The following PLCB1 variants were observed in gnomAD, a reference collection of about 807,000 sequenced individuals.
PLCB1 encodes 1-phosphatidylinositol 4,5-bisphosphate phosphodiesterase beta-1.
A neutral mutation model predicts 161.8 loss-of-function variants in PLCB1; 46 were observed. That is an observed-to-expected ratio of 0.28 (90% CI 0.22 to 0.36). The LOEUF is 0.36. Ranked by LOEUF, PLCB1 falls within the 10% of genes least tolerant of loss-of-function variation. The pLI, the probability that PLCB1 is intolerant of heterozygous loss-of-function variation, is 1.00. For missense variants in PLCB1, 1,016 were observed against 1,472.5 expected, an observed-to-expected ratio of 0.69 and a Z score of 5.07; for synonymous variants, 517 against 503.7, an observed-to-expected ratio of 1.03 and a Z score of -0.35.
chr20:8,732,907 ATAT>A (rs1441453451), intron 18 of PLCB1, among the ~76,000 whole-genome samples: 7 of 147,664 alleles, frequency 4.7e-5, no homozygotes, highest in East Asian at 2.0e-4. Context: ...TTATACAAAT[ATAT>A]TATTCTAATA....
At chr20:8,461,724 T>G (rs1568685231) in intron 3 of PLCB1, among the ~76,000 whole-genome samples, 1 of 152,202 alleles carries the variant, frequency 6.6e-6, no homozygotes, top group East Asian at 1.9e-4. Context: ...AGAAAGTAGT[T>G]TCGACGGTCA....
intron 3 of PLCB1, among the ~76,000 whole-genome samples, chr20:8,607,567 TTCTTC>T (rs1213559829): frequency 6.6e-6 from 1 of 152,158 alleles, no homozygotes; most frequent in Non-Finnish European, 1.5e-5. Context: ...TCCTGGAACT[TTCTTC>T]TCTTCTCCAG....
At chr20:8,668,785 C>A (rs1261498532) in intron 9 of PLCB1, among the ~76,000 whole-genome samples, 2 of 152,156 alleles carry the variant, frequency 1.3e-5, no homozygotes, top group Non-Finnish European at 2.9e-5. Context: ...AGCTGTATCT[C>A]CTGGAGCACC....
intron 4 of PLCB1, among the ~76,000 whole-genome samples, chr20:8,633,883 G>A (rs1252742283): frequency 6.6e-6 from 1 of 151,998 alleles, no homozygotes; most frequent in Non-Finnish European, 1.5e-5. Context: ...ATACAATAAA[G>A]TCTTTTTGGT....
chr20:8,378,539 T>C (rs1211809902), intron 3 of PLCB1, among the ~76,000 whole-genome samples: 3 of 152,212 alleles, frequency 2.0e-5, no homozygotes, highest in Admixed American at 6.5e-5. Context: ...CTAATGATCA[T>C]CTGAGTCTTC....
intron 3 of PLCB1, among the ~76,000 whole-genome samples, chr20:8,387,199 C>T (rs115144691): frequency 9.4e-4 from 143 of 152,282 alleles, no homozygotes; most frequent in African/African-American, 3.1e-3. Flanking sequence ...TAGCTTTTGG[C>T]CTATCTTGGC....
intron 31 of PLCB1, among the ~76,000 whole-genome samples, chr20:8,840,119 G>C (rs891486229): frequency 6.6e-6 from 1 of 151,344 alleles, no homozygotes; most frequent in African/African-American, 2.4e-5. Flanking sequence ...TTTCCTCAAT[G>C]TTCTGTTCAT....
chr20:8,593,629 T>A lies in PLCB1; in HGVS notation c.247-34665T>A, dbSNP rs564991712. On this transcript the variant is annotated intron_variant, in intron 3 of 31. Coordinates refer to ENST00000338037, the MANE Select transcript of PLCB1 (RefSeq NM_015192.4). ...ATAAACATTACTGTTATTGGCATTT[T>A]ACTTTTGTTTTTATTAGATTTTTTA... is the stretch of plus-strand genomic sequence containing the variant. Among the ~76,000 whole-genome samples the A allele has an allele frequency of 2.6e-5, 4 of 152,346 alleles. No homozygotes were observed. The East Asian group carries it at 7.7e-4, about 29-fold the overall frequency.
rs147273389 is a variant in PLCB1, at chr20:8,211,219, G to T, written c.177+60848G>T. Among the ~76,000 whole-genome samples the T allele has an allele frequency of 2.6e-4, 39 of 152,144 alleles. 1 individual carries two copies. The highest frequency in any genetic ancestry group is 7.2e-4 in the Admixed American group (11 of 15,258). Reference sequence around the variant, plus strand: ...TTAGCAAGATTCTGGTTGGATGAGAGACTTGGCTTTATTTTTTAAGGGATG... The same window carrying T: ...TTAGCAAGATTCTGGTTGGATGAGATACTTGGCTTTATTTTTTAAGGGATG... On this transcript the variant is annotated intron_variant, in intron 2 of 31. Coordinates refer to ENST00000338037, the MANE Select transcript of PLCB1 (RefSeq NM_015192.4).
chr20:8,275,027 G>A (rs1301358323), intron 2 of PLCB1, among the ~76,000 whole-genome samples: 2 of 152,080 alleles, frequency 1.3e-5, no homozygotes, highest in African/African-American at 2.4e-5. Flanking sequence ...GTCTTTTAAA[G>A]TATTGGTGAC....
rs1214364585 is a variant in PLCB1 at position 8,323,453 on chromosome 20, C to T, written c.178-47929C>T. Among the ~76,000 whole-genome samples the T allele has an allele frequency of 2.0e-5, 3 of 152,110 alleles. No homozygotes were observed. The East Asian group carries it at 5.8e-4, about 29-fold the overall frequency. ...GCTAGAGCATCTCAAAAGCTTCCTT[C>T]CCCACTCACATATCTGTTGTCTTGT... On this transcript the variant is annotated intron_variant, in intron 2 of 31. Transcript: ENST00000338037.
intron 3 of PLCB1, among the ~76,000 whole-genome samples, chr20:8,580,740 A>G (rs1269165955): frequency 1.3e-5 from 2 of 152,242 alleles, no homozygotes; most frequent in African/African-American, 4.8e-5. Context: ...AGCACAAATT[A>G]TATGAAAACA....
intron 27 of PLCB1, among the ~76,000 whole-genome samples, chr20:8,785,035 T>A (rs17376808): frequency 0.23 from 35,685 of 152,066 alleles, 4,963 homozygotes; most frequent in Non-Finnish European, 0.32. Flanking sequence ...GACATCCCTT[T>A]GTGGGAGCAA....
intron 2 of PLCB1, among the ~76,000 whole-genome samples, chr20:8,239,646 A>G (rs529245632): frequency 1.4e-4 from 21 of 152,068 alleles, no homozygotes; most frequent in Non-Finnish European, 1.6e-4. Flanking sequence ...AAATCTTGAG[A>G]AAAAGAGTAT....
At chr20:8,420,200 C>A (rs1315364664) in intron 3 of PLCB1, among the ~76,000 whole-genome samples, 1 of 152,094 alleles carries the variant, frequency 6.6e-6, no homozygotes, top group Non-Finnish European at 1.5e-5. Context: ...CCAAAATGAT[C>A]TAGATGAGAC....
chr20:8,502,518 TTAAA>T (rs1983466662), intron 3 of PLCB1, among the ~76,000 whole-genome samples: 1 of 152,198 alleles, frequency 6.6e-6, no homozygotes, highest in East Asian at 1.9e-4. Flanking sequence ...TTGCATTTAA[TTAAA>T]TAGTTTTTTC....
chr20:8,811,891 A>G (rs1010490622), intron 31 of PLCB1, among the ~76,000 whole-genome samples: 1 of 152,180 alleles, frequency 6.6e-6, no homozygotes, highest in Admixed American at 6.5e-5. Flanking sequence ...ATATTTCCTT[A>G]CCCATTAAGG....
At chr20:8,555,579 T>G (rs766930859) in intron 3 of PLCB1, among the ~76,000 whole-genome samples, 1 of 152,126 alleles carries the variant, frequency 6.6e-6, no homozygotes, top group African/African-American at 2.4e-5. Flanking sequence ...GTCATCTATC[T>G]CCATGTATTT....
At chr20:8,724,464 C>A (rs572710146) in intron 15 of PLCB1, among the ~76,000 whole-genome samples, 192 bp from the exon 16 acceptor site, 28 of 152,210 alleles carry the variant, frequency 1.8e-4, no homozygotes, top group Non-Finnish European at 3.4e-4. Context: ...CTCCCACCTC[C>A]CTTCCTCCCT....
Sources: gnomAD v4.1 joint callset for allele counts (sites outside exome capture counted in the v4.1 genomes callset) on GRCh38, gnomAD v4.1.1 for gene constraint, MANE v1.5 for transcripts, NCBI Gene and HGNC (gene_info 2026-07-23, HGNC 2026-07-21) for gene names.